KITLG: variants seen among roughly 807,000 people sequenced by gnomAD.
KITLG encodes the protein c-Kit ligand.
In KITLG, 13 loss-of-function variants were observed where a neutral mutation model predicts 34.1. The ratio of observed to expected loss-of-function variants is 0.38; its 90% CI spans 0.25 to 0.61. The LOEUF (loss-of-function observed/expected upper bound fraction) is 0.61. KITLG is among the 20% of genes least tolerant of loss of function. KITLG has a pLI of 0.60. For synonymous variants in KITLG, 110 were observed against 104.0 expected (o/e 1.06, Z -0.35); for missense variants, 292 against 318.9 (o/e 0.92, Z 0.64).
At chr12:88,579,484 C>T (rs1871939465) in intron 1 of KITLG, among the ~76,000 whole-genome samples, 1 of 152,118 alleles carries the variant, frequency 6.6e-6, no homozygotes, top group South Asian at 2.1e-4. Context: ...TCTAATTGTC[C>T]CCCCAGGCAG....
At chr12:88,514,887 T>A (rs761233179) in intron 6 of KITLG, among the ~76,000 whole-genome samples, 1 of 151,756 alleles carries the variant, frequency 6.6e-6, no homozygotes, top group Non-Finnish European at 1.5e-5. Flanking sequence ...GCACCTTCCA[T>A]GAGGCTAGAG....
chr12:88,534,430 G>C (rs1283406904), intron 2 of KITLG, among the ~76,000 whole-genome samples: 2 of 151,982 alleles, frequency 1.3e-5, no homozygotes, highest in African/African-American at 4.8e-5. Flanking sequence ...CTGGAGTGCA[G>C]TAGCACAATC....
intron 9 of KITLG, among the ~76,000 whole-genome samples, chr12:88,503,801 AT>A (rs1868952074): frequency 6.6e-6 from 1 of 152,124 alleles, no homozygotes; most frequent in East Asian, 1.9e-4. Context: ...GCTCTGAACT[AT>A]TATAATGCAT....
intron 1 of KITLG, among the ~76,000 whole-genome samples, chr12:88,551,894 G>A (rs1341485873): frequency 6.6e-6 from 1 of 152,114 alleles, no homozygotes; most frequent in Non-Finnish European, 1.5e-5. Flanking sequence ...TAATCCCCAT[G>A]GTCCTTAAAA....
In KITLG at chr12:88,572,255, C is replaced by T. The variant is rs377392922; in HGVS notation, c.15+8009G>A. Among the ~76,000 whole-genome samples the T allele has an allele frequency of 1.3e-4, 20 of 151,828 alleles. No individual in the cohort carries two copies. In the East Asian group the frequency reaches 1.3e-3, roughly 10 times the overall value. On this transcript the variant is annotated intron_variant, in intron 1 of 9. Transcript: ENST00000644744. ...AAAAATATAAATAAATAAATGCAAA[C>T]GGCTTAGAACAGGTCCTGACATTGT...
chr12:88,504,214 T>G (rs1399221908), intron 9 of KITLG, among the ~76,000 whole-genome samples: 5 of 152,160 alleles, frequency 3.3e-5, no homozygotes, highest in African/African-American at 1.2e-4. Context: ...TATGCACATT[T>G]CAATTATGTA....
At position 88,512,383 on chromosome 12, in the gene KITLG, C is replaced by A. The variant is rs546941366; in HGVS notation, c.604+3151G>T. On this transcript the variant is annotated intron_variant, in intron 6 of 9. Transcript: ENST00000644744. ...AGAGAAAAGAGGATAAATAAATGAA[C>A]AAAACTTCTGCGACCTATGACACAC... Among the ~76,000 whole-genome samples, 23 of 152,018 alleles carry A rather than the reference C, an allele frequency of 1.5e-4. No individual in the cohort carries two copies. In the East Asian group the frequency reaches 4.1e-3, roughly 27 times the overall value.
intron 1 of KITLG, among the ~76,000 whole-genome samples, chr12:88,563,759 G>A (rs1304441749): frequency 2.0e-5 from 3 of 152,154 alleles, no homozygotes; most frequent in African/African-American, 4.8e-5. Flanking sequence ...TCAGGAGTTC[G>A]AGACCAGCCT....
intron 1 of KITLG, 180 bp from the exon 2 acceptor site, chr12:88,546,045 TA>T: frequency 1.4e-6 from 1 of 706,966 alleles, no homozygotes; most frequent in Non-Finnish European, 2.6e-6. Context: ...AGCTTTTAGT[TA>T]AAATCCATTT....
At chr12:88,500,910 G>C (rs952105667) in intron 9 of KITLG, among the ~76,000 whole-genome samples, 1 of 152,042 alleles carries the variant, frequency 6.6e-6, no homozygotes, top group Non-Finnish European at 1.5e-5. Context: ...CTCCTGAGTA[G>C]CTGAGACCAT....
intron 9 of KITLG, among the ~76,000 whole-genome samples, chr12:88,498,786 C>T (rs1023958621): frequency 6.6e-6 from 1 of 152,012 alleles, no homozygotes; most frequent in African/African-American, 2.4e-5. Flanking sequence ...AGGCACAAAA[C>T]CCCCTTCAAC....
chr12:88,518,660 G>A, intron 4 of KITLG, 37 bp downstream of exon 4: 3 of 1,537,676 alleles, frequency 2.0e-6, no homozygotes, highest in East Asian at 2.2e-5. Flanking sequence ...TTTTAGAGAA[G>A]CGTAATGAAA....
chr12:88,566,730 T>C lies in KITLG; in HGVS notation c.15+13534A>G, dbSNP rs147495083. 9.2e-4 allele frequency among the ~76,000 whole-genome samples: 140 copies of C among 152,306 alleles called. 1 individual carries two copies. The highest frequency in any genetic ancestry group is 3.3e-3 in the African/African-American group (136 of 41,566). On this transcript the variant is annotated intron_variant, in intron 1 of 9. Transcript: ENST00000644744. ...GGACCTTGTATAGTGTGCTGAGGGT[T>C]TGGACTTTATCCTGAGGGTAATGTA...
chr12:88,509,757 G>A (rs1869204510), intron 6 of KITLG, among the ~76,000 whole-genome samples: 2 of 152,066 alleles, frequency 1.3e-5, no homozygotes, highest in Non-Finnish European at 2.9e-5. Flanking sequence ...CCAGGCCTTT[G>A]GTCCATCAGG....
chr12:88,580,170 C>A (rs1871967486), intron 1 of KITLG, 94 bp downstream of exon 1: 1 of 1,340,966 alleles, frequency 7.5e-7, no homozygotes, highest in Non-Finnish European at 1.0e-6. Context: ...CCTGCACGCC[C>A]CAGCTGCAAG....
Position 88,507,108 on chromosome 12 carries a change from T to C in KITLG, c.634A>G (p.Ser212Gly), listed in dbSNP as rs1187996530. 6 of 1,613,422 alleles carry C rather than the reference T, an allele frequency of 3.7e-6. No individual in the cohort carries two copies. The highest frequency in any genetic ancestry group is 4.2e-6 in the Non-Finnish European group (5 of 1,179,500). Residue 212 changes from serine to glycine, a missense_variant, in exon 7 of 10, where the codon AGC becomes GGC. Physicochemically the swap from Ser to Gly is moderately conservative, Grantham distance 56 (BLOSUM62 0). Coordinates refer to ENST00000644744, the MANE Select transcript of KITLG (RefSeq NM_000899.5). Reference protein sequence around the residue: ...RKAKNPPGDSSLHWAAMALPA... With the variant: ...RKAKNPPGDSGLHWAAMALPA... ...AATGCCATGGCTGCCCAGTGTAGGC[T>C]GGAGTCTCCAGGGGGATTTTTGGCC...
intron 1 of KITLG, among the ~76,000 whole-genome samples, chr12:88,573,912 T>C (rs185339496): frequency 2.6e-5 from 4 of 152,318 alleles, no homozygotes; most frequent in African/African-American, 9.6e-5. Flanking sequence ...TCTGTGTACC[T>C]GGAACACAGA....
At position 88,580,455 on chromosome 12, in the gene KITLG, G is replaced by C. The variant is rs1400174221; in HGVS notation, c.-177C>G. ...CCCGCAGCGCTTCTAGTCTCGGCGC[G>C]AGGCGGCGAGCGAAGCCCGGCTGCT... On this transcript the variant is annotated 5_prime_UTR_variant, in exon 1 of 10. Transcript: ENST00000644744. 1.6e-5 allele frequency: 12 copies of C among 773,458 alleles called. No individual in the cohort carries two copies. The highest frequency in any genetic ancestry group is 2.7e-5 in the East Asian group (1 of 36,460). 47.9% of individuals were successfully genotyped at this position (773,458 alleles called of 1,614,324 possible).
At chr12:88,516,828 T>G (rs1035576793) in intron 4 of KITLG, among the ~76,000 whole-genome samples, 12 of 147,442 alleles carry the variant, frequency 8.1e-5, no homozygotes, top group Non-Finnish European at 1.7e-4. Flanking sequence ...TTACAAGAAC[T>G]TCCAGTCTTT....
Sources: allele counts gnomAD v4.1 joint callset (sites outside exome capture counted in the v4.1 genomes callset), GRCh38; gene constraint gnomAD v4.1.1; transcripts MANE v1.5; gene names NCBI Gene and HGNC (gene_info 2026-07-23, HGNC 2026-07-21).